STIM1: variants seen among roughly 807,000 people sequenced by gnomAD.
STIM1 encodes stromal interaction molecule 1.
In STIM1, 25 loss-of-function variants were observed where a neutral mutation model predicts 74.7. The observed-to-expected ratio is 0.33, with a 90% confidence interval of 0.24 to 0.47. STIM1 has a LOEUF of 0.47. STIM1 is among the 20% of genes least tolerant of loss of function. The pLI, the probability that STIM1 is intolerant of heterozygous loss-of-function variation, is 1.00. For synonymous variants in STIM1, 328 were observed against 348.8 expected (o/e 0.94, Z 0.66); for missense variants, 728 against 920.8 (o/e 0.79, Z 2.71).
chr11:3,946,499 A>T (rs1335977356), intron 1 of STIM1, among the ~76,000 whole-genome samples: 2 of 152,036 alleles, frequency 1.3e-5, no homozygotes, highest in Non-Finnish European at 2.9e-5. Flanking sequence ...ATACTTTGAG[A>T]TTATTCTTAG....
In STIM1 at chr11:3,892,728, G is replaced by A. The variant is rs1156842632; in HGVS notation, c.139+36319G>A. The A allele has an allele frequency of 2.5e-6, 4 of 1,613,022 alleles. No individual in the cohort carries two copies. The African/African-American group carries it at 5.3e-5, about 22-fold the overall frequency. ...CACATAAACCCTGGAATAATTCTGTGAAAGCAGGAACCCTTATAACCAAAT... is the reference window on the plus strand; with the variant it reads ...CACATAAACCCTGGAATAATTCTGTAAAAGCAGGAACCCTTATAACCAAAT... On this transcript the variant is annotated intron_variant, in intron 1 of 12. Coordinates refer to ENST00000526596, the MANE Select transcript of STIM1 (RefSeq NM_001382567.1).
At position 4,088,361 on chromosome 11, in the gene STIM1, T is replaced by C. The variant is rs540767382; in HGVS notation, c.1634+1818T>C. Among the ~76,000 whole-genome samples the C allele has an allele frequency of 5.5e-4, 84 of 152,308 alleles. No homozygotes were observed. The Middle Eastern group carries it at 0.01, about 19-fold the overall frequency. On this transcript the variant is annotated intron_variant, in intron 12 of 12. Transcript: ENST00000526596. The stretch of plus-strand genomic sequence containing the variant: ...TTGCTTTTTTTTAGTTCTATCTCAC[T>C]CTGGATACCCATTTATTCAGCTCTG...
chr11:3,868,973 C>G (rs902152172), intron 1 of STIM1, among the ~76,000 whole-genome samples: 4 of 151,908 alleles, frequency 2.6e-5, no homozygotes, highest in Non-Finnish European at 4.4e-5. Context: ...ATTCTTTTCT[C>G]TCTCTTTTTT....
At chr11:3,892,960 G>A in intron 1 of STIM1, 2 of 944,360 alleles carry the variant, frequency 2.1e-6, no homozygotes, top group South Asian at 1.5e-5. Flanking sequence ...AATAGAGATG[G>A]GGTTTTGCCA....
At chr11:4,041,939 A>G (rs1411770927) in intron 3 of STIM1, among the ~76,000 whole-genome samples, 1 of 152,194 alleles carries the variant, frequency 6.6e-6, no homozygotes, top group Non-Finnish European at 1.5e-5. Flanking sequence ...ACTAAAGGCT[A>G]AGTGACCAAC....
intron 1 of STIM1, among the ~76,000 whole-genome samples, chr11:3,938,708 G>A (rs1463201758): frequency 2.0e-5 from 3 of 152,148 alleles, no homozygotes; most frequent in African/African-American, 4.8e-5. Flanking sequence ...TGAGCCTGGT[G>A]TGGTGGCACA....
chr11:4,044,057 C>G (rs1037422846), intron 3 of STIM1, among the ~76,000 whole-genome samples: 7 of 152,050 alleles, frequency 4.6e-5, no homozygotes, highest in African/African-American at 1.2e-4. Context: ...CCCTGTGTGT[C>G]TCTCTTGTGA....
At chr11:4,048,983 C>T (rs1466466095) in intron 3 of STIM1, among the ~76,000 whole-genome samples, 1 of 152,228 alleles carries the variant, frequency 6.6e-6, no homozygotes, top group Non-Finnish European at 1.5e-5. Context: ...ATCTGCCCGC[C>T]TCGGCCTCCC....
intron 1 of STIM1, among the ~76,000 whole-genome samples, chr11:3,857,123 T>A (rs892217685): frequency 7.0e-6 from 1 of 143,312 alleles, no homozygotes; most frequent in East Asian, 2.2e-4. Context: ...TTTTTTTTTT[T>A]CCCTGAGTCT....
intron 3 of STIM1, among the ~76,000 whole-genome samples, chr11:4,028,124 C>T (rs2094013366): frequency 6.7e-6 from 1 of 149,954 alleles, no homozygotes; most frequent in African/African-American, 2.5e-5. Context: ...ACTCTGTAGC[C>T]CAGGCTGGAG....
At chr11:4,019,405 G>A (rs2093934339) in intron 2 of STIM1, among the ~76,000 whole-genome samples, 1 of 152,062 alleles carries the variant, frequency 6.6e-6, no homozygotes, top group South Asian at 2.1e-4. Context: ...CAGGCATGGT[G>A]GCTGACGCCT....
chr11:4,031,188 C>G (rs2094047061), intron 3 of STIM1, among the ~76,000 whole-genome samples: 2 of 152,160 alleles, frequency 1.3e-5, no homozygotes, highest in Admixed American at 1.3e-4. Context: ...CTCAGTGTAA[C>G]TATTTTGAGG....
At chr11:3,953,526 G>A (rs999169639) in intron 1 of STIM1, among the ~76,000 whole-genome samples, 2 of 152,184 alleles carry the variant, frequency 1.3e-5, no homozygotes, top group South Asian at 2.1e-4. Context: ...GCCATAGGAC[G>A]TGGTATAGGA....
intron 3 of STIM1, among the ~76,000 whole-genome samples, chr11:4,025,261 A>C (rs1771620775): frequency 6.6e-6 from 1 of 152,160 alleles, no homozygotes; most frequent in Non-Finnish European, 1.5e-5. Context: ...GTAGATGGGG[A>C]GCATTAAATG....
chr11:4,059,163 T>G, intron 4 of STIM1, 118 bp from the exon 5 acceptor site: 1 of 903,630 alleles, frequency 1.1e-6, no homozygotes, highest in Non-Finnish European at 1.8e-6. Context: ...TGTTCTAGAG[T>G]GCAGAGGGGA....
chr11:3,926,565 T>C (rs764708720), intron 1 of STIM1, among the ~76,000 whole-genome samples: 39 of 152,320 alleles, frequency 2.6e-4, no homozygotes, highest in Admixed American at 7.9e-4. Context: ...AAATAAAAGT[T>C]TGTAGTATCA....
chr11:3,989,853 G>A (rs2093592758), intron 2 of STIM1, among the ~76,000 whole-genome samples: 1 of 152,058 alleles, frequency 6.6e-6, no homozygotes, highest in Non-Finnish European at 1.5e-5. Flanking sequence ...AAGTTTATCT[G>A]GCCTCTAGTC....
intron 1 of STIM1, among the ~76,000 whole-genome samples, chr11:3,942,306 T>G (rs2093021413): frequency 6.6e-6 from 1 of 152,204 alleles, no homozygotes; most frequent in South Asian, 2.1e-4. Flanking sequence ...TAGCAGGCAG[T>G]CTCACTATGC....
At chr11:4,082,469 G>GT (rs2094470509) in intron 8 of STIM1, 118 bp downstream of exon 8, 2 of 1,115,548 alleles carry the variant, frequency 1.8e-6, no homozygotes, top group Non-Finnish European at 1.3e-6. Context: ...AGATATCCTG[G>GT]TGGTGGGTTC....
Sources: gnomAD v4.1 joint callset for allele counts (sites outside exome capture counted in the v4.1 genomes callset) on GRCh38, gnomAD v4.1.1 for gene constraint, MANE v1.5 for transcripts, NCBI Gene and HGNC (gene_info 2026-07-23, HGNC 2026-07-21) for gene names.